MCCC1: variants seen among roughly 807,000 people sequenced by gnomAD.
MCCC1 encodes the protein methylcrotonyl-CoA carboxylase subunit 1.
A neutral mutation model predicts 83.8 loss-of-function variants in MCCC1; 64 were observed. That is an observed-to-expected ratio of 0.76 (90% CI 0.62 to 0.94). The LOEUF (loss-of-function observed/expected upper bound fraction) is 0.94, where lower values mean the gene tolerates loss of function less well. MCCC1 is among the 40% of genes least tolerant of loss of function. The probability of loss-of-function intolerance (pLI) is 0.00; values close to 1 mark genes in which losing one functional copy is unlikely to be tolerated. For missense variants in MCCC1, 807 were observed against 904.7 expected (o/e 0.89, Z 1.39); for synonymous variants, 322 against 315.4 (o/e 1.02, Z -0.22).
chr3:183,087,390 A>G (rs1392968307), intron 3 of MCCC1, among the ~76,000 whole-genome samples: 1 of 152,224 alleles, frequency 6.6e-6, no homozygotes, highest in Non-Finnish European at 1.5e-5. Flanking sequence ...CCTGTACCAT[A>G]GTGAACAAGA....
intron 16 of MCCC1, among the ~76,000 whole-genome samples, chr3:183,020,855 C>CG (rs1712103198): frequency 6.6e-6 from 1 of 152,064 alleles, no homozygotes; most frequent in Non-Finnish European, 1.5e-5. Flanking sequence ...GTCAGGGGAT[C>CG]AAAACCATCC....
chr3:183,060,546 T>C (rs1413176251), intron 7 of MCCC1, among the ~76,000 whole-genome samples: 1 of 152,222 alleles, frequency 6.6e-6, no homozygotes, highest in African/African-American at 2.4e-5. Flanking sequence ...GTTTTTTCCA[T>C]GTTTTCCAAT....
At position 183,092,458 on chromosome 3, in the gene MCCC1, G is replaced by C; in HGVS notation, c.224C>G (p.Thr75Ser). The change falls in exon 3 of 19, where the codon ACT (threonine) becomes AGT (serine). Residue 75 changes from threonine (T) to serine (S), a missense_variant. Coordinates refer to ENST00000265594, the MANE Select transcript of MCCC1 (RefSeq NM_020166.5). The stretch of plus-strand genomic sequence containing the variant: ...GTCAGCCTCACTATAAACCGCCACA[G>C]TCTGTACACCCAGTTTTTTGGCTGT... ...MRTAKKLGVQ[T>S]VAVYSEADRN... The C allele has an allele frequency of 6.2e-7, 1 of 1,614,180 alleles. No individual in the cohort carries two copies. Among genetic ancestry groups the C allele is most frequent in the South Asian group, 1.1e-5 (1 of 91,086 alleles).
At chr3:183,078,898 C>T (rs1717281016) in intron 4 of MCCC1, among the ~76,000 whole-genome samples, 1 of 152,202 alleles carries the variant, frequency 6.6e-6, no homozygotes. Context: ...GAATTCATGT[C>T]TTACATGGAT....
chr3:183,077,261 T>G (rs1717145609), intron 4 of MCCC1, among the ~76,000 whole-genome samples: 1 of 152,224 alleles, frequency 6.6e-6, no homozygotes, highest in Non-Finnish European at 1.5e-5. Flanking sequence ...ACTGAAGAAG[T>G]AGAGTTACTA....
intron 17 of MCCC1, 68 bp from the exon 18 acceptor site, chr3:183,017,405 T>C: frequency 7.2e-7 from 1 of 1,398,544 alleles, no homozygotes; most frequent in Non-Finnish European, 1.0e-6. Context: ...ATCTGCTTCA[T>C]TATAGTAACC....
chr3:183,070,729 C>T (rs949615297), intron 7 of MCCC1, among the ~76,000 whole-genome samples: 1 of 41,860 alleles, frequency 2.4e-5, no homozygotes, highest in Non-Finnish European at 5.9e-5. Context: ...TGAGAGACTC[C>T]GTCCAAAAAA....
intron 2 of MCCC1, among the ~76,000 whole-genome samples, chr3:183,094,356 G>A (rs1005080549): frequency 2.0e-4 from 31 of 151,968 alleles, no homozygotes; most frequent in African/African-American, 7.5e-4. Flanking sequence ...GCTGCCCTCT[G>A]TATTTTAGAC....
Position 183,082,222 on chromosome 3 carries a change from C to T in MCCC1, c.369+4471G>A, listed in dbSNP as rs575802368. Among the ~76,000 whole-genome samples the T allele has an allele frequency of 2.6e-5, 4 of 152,276 alleles. No homozygotes were observed. The South Asian group carries it at 8.3e-4, about 32-fold the overall frequency. On this transcript the variant is annotated intron_variant, in intron 4 of 18. Transcript: ENST00000265594. Reference sequence around the variant, plus strand: ...GTGATACTTAAAACATATGGGTTTCCTTTTGGTCAACCACAGAGTAGCTGT... The same window carrying T: ...GTGATACTTAAAACATATGGGTTTCTTTTTGGTCAACCACAGAGTAGCTGT...
At chr3:183,114,252 C>A (rs377051713) in intron 1 of MCCC1, among the ~76,000 whole-genome samples, 3 of 152,190 alleles carry the variant, frequency 2.0e-5, no homozygotes, top group Admixed American at 1.3e-4. Context: ...TATCCTTTTA[C>A]CTTTTTGACT....
rs542586786 is a variant in MCCC1 at position 183,064,842 on chromosome 3, G to A, written c.761+6157C>T. Among the ~76,000 whole-genome samples, 1 of 152,310 alleles carries A rather than the reference G, an allele frequency of 6.6e-6. No homozygotes were observed. Among genetic ancestry groups the A allele is most frequent in the South Asian group, 2.1e-4 (1 of 4,830 alleles). On this transcript the variant is annotated intron_variant, in intron 7 of 18. Transcript: ENST00000265594. This position sits in a 1 kb window ranked among gnomAD's most constrained non-coding sequence, Gnocchi z 4.5. The stretch of plus-strand genomic sequence containing the variant: ...CTTCTTAACTGACAAGTGGCCACCT[G>A]AACTTTTTATTTAGTGTCGGTTGCA...
rs2108514877 is a variant in MCCC1, at chr3:183,064,058, T to A, written c.762-6636A>T. Among the ~76,000 whole-genome samples the A allele has an allele frequency of 6.6e-6, 1 of 152,212 alleles. No homozygotes were observed. The highest frequency in any genetic ancestry group is 1.9e-4 in the East Asian group (1 of 5,168). On this transcript the variant is annotated intron_variant, in intron 7 of 18. Coordinates refer to ENST00000265594, the MANE Select transcript of MCCC1 (RefSeq NM_020166.5). This position sits in a 1 kb window ranked among gnomAD's most constrained non-coding sequence, Gnocchi z 4.5. ...GGAAGGTTAGATTCCTTCCTAAGATTTAGGGGCTCCTCTCAGTAAAATCCC... is the reference window on the plus strand; with the variant it reads ...GGAAGGTTAGATTCCTTCCTAAGATATAGGGGCTCCTCTCAGTAAAATCCC...
At chr3:183,036,537 C>CTTTTTT (rs11411314) in intron 13 of MCCC1, among the ~76,000 whole-genome samples, 1 of 117,676 alleles carries the variant, frequency 8.5e-6, no homozygotes, top group African/African-American at 3.1e-5. Context: ...GATCCATTTC[C>CTTTTTT]TTTTTTTTTT....
intron 16 of MCCC1, among the ~76,000 whole-genome samples, chr3:183,022,027 T>G (rs927618442): frequency 6.6e-6 from 1 of 152,020 alleles, no homozygotes; most frequent in Non-Finnish European, 1.5e-5. Flanking sequence ...CTCTCAGTGG[T>G]CACCTCCTCC....
At chr3:183,105,252 G>A (rs1017099565) in intron 1 of MCCC1, among the ~76,000 whole-genome samples, 3 of 152,206 alleles carry the variant, frequency 2.0e-5, no homozygotes, top group Non-Finnish European at 4.4e-5. Flanking sequence ...GCTGAGGCAG[G>A]AGAATTGCTT....
At chr3:183,091,728 T>C (rs775286085) in intron 3 of MCCC1, among the ~76,000 whole-genome samples, 4 of 48,978 alleles carry the variant, frequency 8.2e-5, no homozygotes, top group South Asian at 1.2e-3. Context: ...ACTCAGCCAG[T>C]AAGTAGCAGG....
At chr3:183,109,061 G>A (rs1013787047) in intron 1 of MCCC1, among the ~76,000 whole-genome samples, 17 of 151,940 alleles carry the variant, frequency 1.1e-4, no homozygotes, top group Admixed American at 5.9e-4. Context: ...GCGCGATCTC[G>A]GCTCACTACA....
chr3:183,062,457 C>T (rs757029347), intron 7 of MCCC1, among the ~76,000 whole-genome samples: 3 of 147,304 alleles, frequency 2.0e-5, no homozygotes, highest in Non-Finnish European at 4.4e-5. Flanking sequence ...CAGGTTCAAG[C>T]GATTCTCCTG....
chr3:183,043,047 T>C (rs943351519), intron 10 of MCCC1, among the ~76,000 whole-genome samples: 6 of 152,166 alleles, frequency 3.9e-5, no homozygotes, highest in Non-Finnish European at 7.4e-5. Context: ...CCCAGCAATT[T>C]GGGAGGCCGA....
Sources: allele counts gnomAD v4.1 joint callset (sites outside exome capture counted in the v4.1 genomes callset), GRCh38; gene constraint gnomAD v4.1.1; non-coding constraint Gnocchi (gnomAD v3.1); transcripts MANE v1.5; gene names NCBI Gene and HGNC (gene_info 2026-07-23, HGNC 2026-07-21).